The following EIF4E3 variants were observed in gnomAD, a reference collection of about 807,000 sequenced individuals.
The protein encoded by EIF4E3 is eukaryotic translation initiation factor 4E family member 3, also known as eukaryotic translation initiation factor 4E type 3.
Under a neutral mutation model 31.7 loss-of-function variants are expected in EIF4E3, and 26 were observed. The observed-to-expected ratio is 0.82, with a 90% CI of 0.60 to 1.14. EIF4E3 has a LOEUF of 1.14. Ranked by LOEUF, EIF4E3 falls within the 50% of genes most tolerant of loss-of-function variation. The pLI is 0.00. For synonymous variants in EIF4E3, 128 were observed against 107.7 expected, an observed-to-expected ratio of 1.19 and a Z score of -1.17; for missense variants, 304 against 270.9, an observed-to-expected ratio of 1.12 and a Z score of -0.86.
At chr3:71,737,061 A>T (rs1452124667) in intron 1 of EIF4E3, among the ~76,000 whole-genome samples, 1 of 152,238 alleles carries the variant, frequency 6.6e-6, no homozygotes, top group Non-Finnish European at 1.5e-5. Flanking sequence ...TCACATATCA[A>T]CCTGATGAGG....
chr3:71,716,564 TG>T (rs1578367036), intron 1 of EIF4E3, among the ~76,000 whole-genome samples: 1 of 152,216 alleles, frequency 6.6e-6, no homozygotes, highest in East Asian at 1.9e-4. Flanking sequence ...CCAGAAATGC[TG>T]GGCCCCCAAT....
At chr3:71,734,695 C>CAACTGATTAT (rs748902623) in intron 1 of EIF4E3, among the ~76,000 whole-genome samples, 4 of 152,054 alleles carry the variant, frequency 2.6e-5, no homozygotes, top group Non-Finnish European at 5.9e-5. Flanking sequence ...AAAAACAAGC[C>CAACTGATTAT]AACTGATTAT....
At chr3:71,721,759 A>G (rs546301164) in intron 1 of EIF4E3, among the ~76,000 whole-genome samples, 1 of 152,142 alleles carries the variant, frequency 6.6e-6, no homozygotes, top group East Asian at 1.9e-4. Context: ...TGTGAGTCAA[A>G]CCTCTTTCCT....
chr3:71,696,247 T>C (rs1476381716), intron 4 of EIF4E3, among the ~76,000 whole-genome samples: 1 of 152,224 alleles, frequency 6.6e-6, no homozygotes, highest in Non-Finnish European at 1.5e-5. Flanking sequence ...TACAGTCACA[T>C]ACTACACCAC....
At chr3:71,710,960 T>C (rs1225268436) in intron 1 of EIF4E3, among the ~76,000 whole-genome samples, 2 of 152,214 alleles carry the variant, frequency 1.3e-5, no homozygotes, top group African/African-American at 4.8e-5. Flanking sequence ...TTGCCTACTT[T>C]AAAAAAAGTC....
chr3:71,743,452 C>T (rs968664619), intron 1 of EIF4E3, among the ~76,000 whole-genome samples: 6 of 152,008 alleles, frequency 3.9e-5, no homozygotes, highest in African/African-American at 1.4e-4. Flanking sequence ...CTGGGAAGTA[C>T]AAAAGACTGC....
At chr3:71,712,051 G>A (rs956134195) in intron 1 of EIF4E3, among the ~76,000 whole-genome samples, 13 of 152,268 alleles carry the variant, frequency 8.5e-5, no homozygotes, top group African/African-American at 1.7e-4. Context: ...GCACAATCAC[G>A]GACTAGTTTG....
At chr3:71,742,579 C>T (rs1247956399) in intron 1 of EIF4E3, among the ~76,000 whole-genome samples, 1 of 151,906 alleles carries the variant, frequency 6.6e-6, no homozygotes, top group Non-Finnish European at 1.5e-5. Flanking sequence ...TCTACATAAA[C>T]TTTTAAAAAA....
At chr3:71,693,990 T>A in intron 4 of EIF4E3, 49 bp from the exon 5 acceptor site, 1 of 1,487,710 alleles carries the variant, frequency 6.7e-7, no homozygotes, top group South Asian at 1.3e-5. Flanking sequence ...TACAGATATT[T>A]TTAGACAATT....
chr3:71,706,329 G>C (rs191653599), intron 2 of EIF4E3, among the ~76,000 whole-genome samples: 3 of 152,092 alleles, frequency 2.0e-5, no homozygotes, highest in Non-Finnish European at 4.4e-5. Context: ...ACTAATAGAC[G>C]GGGTAACGAT....
downstream of EIF4E3, among the ~76,000 whole-genome samples, chr3:71,674,395 C>T (rs1393838537): frequency 7.2e-5 from 11 of 152,118 alleles, no homozygotes; most frequent in Admixed American, 7.2e-4. Context: ...GCATGAGCCA[C>T]TGCGCCCGAC....
chr3:71,734,063 T>A (rs2049735974), intron 1 of EIF4E3, among the ~76,000 whole-genome samples: 2 of 152,230 alleles, frequency 1.3e-5, no homozygotes, highest in Admixed American at 6.5e-5. Context: ...CTGTTAATTT[T>A]TCACTCTTTT....
chr3:71,701,507 T>C (rs2049216230), intron 2 of EIF4E3, among the ~76,000 whole-genome samples: 1 of 152,220 alleles, frequency 6.6e-6, no homozygotes, highest in African/African-American at 2.4e-5. Flanking sequence ...CTATGAATGC[T>C]ATCCACAGAA....
At chr3:71,712,802 T>C (rs989066131) in intron 1 of EIF4E3, among the ~76,000 whole-genome samples, 5 of 150,104 alleles carry the variant, frequency 3.3e-5, no homozygotes, top group African/African-American at 7.4e-5. Context: ...TACAGTATTA[T>C]GTCAATTTTA....
At position 71,693,894 on chromosome 3, in the gene EIF4E3, G is replaced by T; in HGVS notation, c.453C>A (p.Phe151Leu). 6.3e-7 allele frequency: 1 copy of T among 1,582,860 alleles called. No individual in the cohort carries two copies. Among genetic ancestry groups the T allele is most frequent in the Non-Finnish European group, 8.6e-7 (1 of 1,164,372 alleles). Reference sequence around the variant, plus strand: ...CTTTACCTGCTGCGGCACAGTCTGTGAACTGTTCCCCGATGGTTGCTAACA... The same window carrying T: ...CTTTACCTGCTGCGGCACAGTCTGTTAACTGTTCCCCGATGGTTGCTAACA... ...ELLLATIGEQ[F>L]TDCAAADDEV... Residue 151 changes from phenylalanine (F) to leucine (L), a missense_variant, in exon 5 of 7, where the codon TTC becomes TTA. Phe to Leu is a conservative substitution (Grantham distance 22). Transcript: ENST00000425534.
At chr3:71,662,238 C>T in the EIF4E3 span, among the ~76,000 whole-genome samples, 640 of 152,256 alleles carry the variant, frequency 4.2e-3, 9 homozygotes, top group African/African-American at 0.015. Context: ...TTGAAAGAAG[C>T]GTCTCTTAGC....
chr3:71,727,702 T>C (rs1248662565), upstream of EIF4E3, among the ~76,000 whole-genome samples: 4 of 152,244 alleles, frequency 2.6e-5, no homozygotes, highest in South Asian at 8.3e-4. Context: ...TAATGGTTGA[T>C]TCTGAAAATT....
At chr3:71,712,585 T>C (rs28394494) in intron 1 of EIF4E3, among the ~76,000 whole-genome samples, 37,891 of 131,740 alleles carry the variant, frequency 0.29, 5,377 homozygotes, top group East Asian at 0.4. Flanking sequence ...CCAAAGCACA[T>C]AGGAGAGTAT....
chr3:71,699,559 G>A (rs2049186015), intron 3 of EIF4E3, 55 bp downstream of exon 3: 1 of 1,457,686 alleles, frequency 6.9e-7, no homozygotes, highest in Non-Finnish European at 9.6e-7. Flanking sequence ...TCTTTTATGA[G>A]GTTCACAAAC....
Sources: allele counts gnomAD v4.1 joint callset (sites outside exome capture counted in the v4.1 genomes callset), GRCh38; gene constraint gnomAD v4.1.1; transcripts MANE v1.5; gene names NCBI Gene and HGNC (gene_info 2026-07-23, HGNC 2026-07-21).